Variants in FRAS1 observed in about 807,000 individuals in gnomAD.
FRAS1 encodes Fraser extracellular matrix complex subunit 1, also known as extracellular matrix organizing protein FRAS1.
A neutral mutation model predicts 435.2 loss-of-function variants in FRAS1; 290 were observed. That is an observed-to-expected ratio of 0.67 (90% CI 0.61 to 0.73). The LOEUF is 0.73. Among genes scored for constraint, FRAS1 ranks in the 30% least tolerant of loss-of-function variants. The probability of loss-of-function intolerance (pLI) is 0.00; values close to 1 mark genes in which losing one functional copy is unlikely to be tolerated. For missense variants in FRAS1, 4,860 were observed against 5,001.5 expected, an observed-to-expected ratio of 0.97 and a Z score of 0.85; for synonymous variants, 1,800 against 1,851.0, an observed-to-expected ratio of 0.97 and a Z score of 0.71.
intron 35 of FRAS1, among the ~76,000 whole-genome samples, chr4:78,425,444 A>G (rs929580855): frequency 6.6e-6 from 1 of 152,228 alleles, no homozygotes. Context: ...ATGATTGACC[A>G]TAAATAGCAT....
intron 2 of FRAS1, among the ~76,000 whole-genome samples, chr4:78,162,391 C>T (rs1463227882): frequency 3.3e-5 from 5 of 152,240 alleles, no homozygotes; most frequent in East Asian, 1.9e-4. Flanking sequence ...GGGATAGAAA[C>T]GGTACCATAA....
intron 2 of FRAS1, among the ~76,000 whole-genome samples, chr4:78,079,614 GCTAT>G (rs1043612047): frequency 6.6e-6 from 1 of 152,112 alleles, no homozygotes; most frequent in African/African-American, 2.4e-5. Context: ...TGTTTTTCAT[GCTAT>G]CTCTCTTGGC....
At chr4:78,405,488 G>A (rs1312185499) in intron 30 of FRAS1, among the ~76,000 whole-genome samples, 1 of 152,138 alleles carries the variant, frequency 6.6e-6, no homozygotes, top group African/African-American at 2.4e-5. Flanking sequence ...ATTATATAAA[G>A]AGTAGTGTAG....
intron 29 of FRAS1, among the ~76,000 whole-genome samples, chr4:78,394,318 T>G (rs55670221): frequency 0.27 from 40,291 of 151,902 alleles, 5,549 homozygotes; most frequent in Admixed American, 0.32. Flanking sequence ...TTCCCCTATG[T>G]TTTCTTCTAG....
chr4:78,482,061 A>AG, intron 57 of FRAS1, 97 bp downstream of exon 57: 1 of 1,224,152 alleles, frequency 8.2e-7, no homozygotes, highest in Non-Finnish European at 1.2e-6. Flanking sequence ...TCCCCTGGCG[A>AG]TATTCCTATC....
rs185743658 is a variant in FRAS1, at chr4:78,112,581, T to C, written c.108+46565T>C. On this transcript the variant is annotated intron_variant, in intron 2 of 73. Coordinates refer to ENST00000512123, the MANE Select transcript of FRAS1 (RefSeq NM_025074.7). ...TCCAGAAATGGCTTGTGAAACACTC[T>C]TGAAAGATTAGTACTATGTAAGTAG... Among the ~76,000 whole-genome samples the C allele has an allele frequency of 1.4e-3, 216 of 152,258 alleles. 2 individuals carry two copies. The highest frequency in any genetic ancestry group is 0.012 in the South Asian group (58 of 4,820).
intron 27 of FRAS1, among the ~76,000 whole-genome samples, chr4:78,383,404 T>C (rs567157275): frequency 6.6e-6 from 1 of 152,256 alleles, no homozygotes; most frequent in Admixed American, 6.5e-5. Context: ...CATTCATTTC[T>C]CTATTACACT....
intron 15 of FRAS1, among the ~76,000 whole-genome samples, chr4:78,311,692 G>A (rs1729029249): frequency 6.6e-6 from 1 of 152,172 alleles, no homozygotes; most frequent in Non-Finnish European, 1.5e-5. Flanking sequence ...CAAGCATAAG[G>A]GTTCACTCAT....
At chr4:78,087,405 G>C (rs1741243410) in intron 2 of FRAS1, among the ~76,000 whole-genome samples, 1 of 152,108 alleles carries the variant, frequency 6.6e-6, no homozygotes. Context: ...ATTCAACATA[G>C]TGTTGGAAGT....
intron 2 of FRAS1, among the ~76,000 whole-genome samples, chr4:78,091,730 G>A (rs1741536154): frequency 6.6e-6 from 1 of 151,724 alleles, no homozygotes; most frequent in Non-Finnish European, 1.5e-5. Context: ...AGGTCATAGT[G>A]CCCTACAGCC....
chr4:78,316,337 C>T (rs1017446618), intron 16 of FRAS1, among the ~76,000 whole-genome samples: 1 of 152,206 alleles, frequency 6.6e-6, no homozygotes, highest in Non-Finnish European at 1.5e-5. Flanking sequence ...CCTGGGACAT[C>T]TTGATCTCCC....
chr4:78,510,429 G>A (rs935995438), intron 63 of FRAS1, among the ~76,000 whole-genome samples: 11 of 151,934 alleles, frequency 7.2e-5, no homozygotes, highest in African/African-American at 2.7e-4. Context: ...GTAAAGCATT[G>A]GCAGCTAATT....
At position 78,482,498 on chromosome 4, in the gene FRAS1, C is replaced by A; in HGVS notation, c.8715C>A (p.Phe2905Leu). ...SAQGAELTKP[F>L]QAVIAINDTF... is the part of the protein sequence containing the mutation. Reference sequence around the variant, plus strand: ...AAGGAGCCGAACTGACCAAACCCTTCCAGGCAGTCATTGCAATTAATGACA... The same window carrying A: ...AAGGAGCCGAACTGACCAAACCCTTACAGGCAGTCATTGCAATTAATGACA... Residue 2905 changes from phenylalanine to leucine, a missense_variant, in exon 58 of 74, where the codon TTC (phenylalanine) becomes TTA (leucine). Phe to Leu is a conservative substitution (Grantham distance 22). Transcript: ENST00000512123. The A allele has an allele frequency of 6.2e-7, 1 of 1,613,790 alleles. No individual in the cohort carries two copies.
At chr4:78,082,623 T>C (rs1234390610) in intron 2 of FRAS1, among the ~76,000 whole-genome samples, 1 of 152,106 alleles carries the variant, frequency 6.6e-6, no homozygotes, top group Non-Finnish European at 1.5e-5. Context: ...GGATTCAGCA[T>C]CAGTTCTATT....
At chr4:78,447,306 A>G (rs973529729) in intron 43 of FRAS1, among the ~76,000 whole-genome samples, 12 of 145,540 alleles carry the variant, frequency 8.2e-5, no homozygotes, top group South Asian at 4.5e-4. Context: ...AAAAAAAAAC[A>G]CTTTTCCTCA....
intron 14 of FRAS1, among the ~76,000 whole-genome samples, chr4:78,307,216 G>A (rs1728781005): frequency 6.6e-6 from 1 of 152,236 alleles, no homozygotes; most frequent in Non-Finnish European, 1.5e-5. Flanking sequence ...GAGGCAGTCT[G>A]CCAGTTTTCA....
chr4:78,092,282 T>A (rs565443583), intron 2 of FRAS1, among the ~76,000 whole-genome samples: 70 of 152,282 alleles, frequency 4.6e-4, no homozygotes, highest in African/African-American at 1.6e-3. Context: ...GACCGGCATG[T>A]GGTAGGCTGT....
intron 2 of FRAS1, among the ~76,000 whole-genome samples, chr4:78,114,712 C>A (rs935606985): frequency 6.6e-6 from 1 of 152,242 alleles, no homozygotes; most frequent in Admixed American, 6.5e-5. Flanking sequence ...TGCCTGTCAG[C>A]TTAAGGAGAT....
chr4:78,480,320 C>G (rs1287852402), intron 56 of FRAS1, among the ~76,000 whole-genome samples: 1 of 152,066 alleles, frequency 6.6e-6, no homozygotes. Flanking sequence ...TGAAATAAGC[C>G]AGGCACAGAA....
Sources: gnomAD v4.1 joint callset for allele counts (sites outside exome capture counted in the v4.1 genomes callset) on GRCh38, gnomAD v4.1.1 for gene constraint, MANE v1.5 for transcripts, NCBI Gene and HGNC (gene_info 2026-07-23, HGNC 2026-07-21) for gene names.